The following ST6GALNAC3 variants were observed in gnomAD, a reference collection of about 807,000 sequenced individuals.
ST6GALNAC3 encodes the protein alpha-N-acetylgalactosaminide alpha-2,6-sialyltransferase 3.
Under a neutral mutation model 32.7 loss-of-function variants are expected in ST6GALNAC3, and 25 were observed. The observed-to-expected ratio is 0.76, with a 90% CI of 0.56 to 1.07. The LOEUF (loss-of-function observed/expected upper bound fraction) is 1.07, where lower values mean the gene tolerates loss of function less well. ST6GALNAC3 is among the 50% of genes least tolerant of loss of function. The pLI, the probability that ST6GALNAC3 is intolerant of heterozygous loss-of-function variation, is 0.00. For missense variants in ST6GALNAC3, 355 were observed against 382.4 expected (o/e 0.93, Z 0.60); for synonymous variants, 129 against 133.1 (o/e 0.97, Z 0.21).
chr1:76,155,550 C>G (rs1651348769), intron 1 of ST6GALNAC3, among the ~76,000 whole-genome samples: 1 of 152,070 alleles, frequency 6.6e-6, no homozygotes. Context: ...TCACTGCAAG[C>G]TCCGCCTCCC....
rs142453899 is a variant in ST6GALNAC3 at position 76,242,155 on chromosome 1, T to C, written c.19-71650T>C. Among the ~76,000 whole-genome samples the C allele has an allele frequency of 2.5e-4, 38 of 152,314 alleles. No homozygotes were observed. The East Asian group carries it at 7.0e-3, about 28-fold the overall frequency. On this transcript the variant is annotated intron_variant, in intron 1 of 4. Coordinates refer to ENST00000328299, the MANE Select transcript of ST6GALNAC3 (RefSeq NM_152996.4). ...AAAAGCAGCTTCCACAATCACAGGC[T>C]ATATGGCTTTGGATTTTTCTCATTT...
chr1:76,197,788 C>G (rs1235679613), intron 1 of ST6GALNAC3, among the ~76,000 whole-genome samples: 1 of 152,132 alleles, frequency 6.6e-6, no homozygotes, highest in Non-Finnish European at 1.5e-5. Flanking sequence ...GCACTATCAA[C>G]ATTTTGGGCT....
chr1:76,145,744 T>C lies in ST6GALNAC3; in HGVS notation c.18+70860T>C, dbSNP rs141204176. Among the ~76,000 whole-genome samples the C allele has an allele frequency of 3.9e-5, 6 of 152,310 alleles. No individual in the cohort carries two copies. The East Asian group carries it at 7.7e-4, about 20-fold the overall frequency. On this transcript the variant is annotated intron_variant, in intron 1 of 4. Coordinates refer to ENST00000328299, the MANE Select transcript of ST6GALNAC3 (RefSeq NM_152996.4). Reference sequence around the variant, plus strand: ...TATATGTGTTTAAAAATTAGATAAATAAGAATTTACATGACAGTTTAATAG... The same window carrying C: ...TATATGTGTTTAAAAATTAGATAAACAAGAATTTACATGACAGTTTAATAG...
intron 1 of ST6GALNAC3, among the ~76,000 whole-genome samples, chr1:76,121,113 A>G (rs1018409122): frequency 2.6e-5 from 4 of 152,216 alleles, no homozygotes; most frequent in African/African-American, 9.6e-5. Context: ...ATATTCCAGG[A>G]CAATCCCCCC....
At chr1:76,226,305 A>G (rs1656065680) in intron 1 of ST6GALNAC3, among the ~76,000 whole-genome samples, 1 of 152,204 alleles carries the variant, frequency 6.6e-6, no homozygotes, top group African/African-American at 2.4e-5. Flanking sequence ...TTTAGTGCCA[A>G]TCCAGGGAGG....
At chr1:76,455,029 T>C (rs936174072) in intron 3 of ST6GALNAC3, among the ~76,000 whole-genome samples, 7 of 152,138 alleles carry the variant, frequency 4.6e-5, no homozygotes, top group African/African-American at 1.7e-4. Flanking sequence ...CTCATTGTCC[T>C]TTTATTCCAC....
At chr1:76,529,756 T>C (rs1309773238) in intron 3 of ST6GALNAC3, among the ~76,000 whole-genome samples, 1 of 152,192 alleles carries the variant, frequency 6.6e-6, no homozygotes, top group Non-Finnish European at 1.5e-5. Context: ...GAGTATGAAC[T>C]GTAGCTCAGA....
rs554990566 is a variant in ST6GALNAC3 at position 76,629,913 on chromosome 1, C to G, written c.*1107C>G. The stretch of plus-strand genomic sequence containing the variant: ...GAGGAAATGATTCCTTATATTAAAC[C>G]TGACCAGAGCTTTTTGCCTTCTAGG... On this transcript the variant is annotated 3_prime_UTR_variant, in exon 5 of 5. Transcript: ENST00000328299. 1.0e-6 allele frequency: 1 copy of G among 985,098 alleles called. No individual in the cohort carries two copies. Among genetic ancestry groups the G allele is most frequent in the Admixed American group, 6.2e-5 (1 of 16,218 alleles). The allele number at this position is 985,098 out of a possible 1,614,324, so 61.0% of individuals were successfully genotyped here.
chr1:76,164,005 A>T (rs556418005), intron 1 of ST6GALNAC3, among the ~76,000 whole-genome samples: 1 of 152,294 alleles, frequency 6.6e-6, no homozygotes, highest in Middle Eastern at 3.4e-3. Context: ...AATGCTTAAG[A>T]TGTTGGATTT....
intron 3 of ST6GALNAC3, among the ~76,000 whole-genome samples, chr1:76,466,479 C>T (rs891555981): frequency 1.3e-5 from 2 of 152,006 alleles, no homozygotes; most frequent in African/African-American, 4.8e-5. Context: ...AATTAGAAAG[C>T]ATTTTTAAAG....
At chr1:76,333,581 C>G (rs1269497904) in intron 2 of ST6GALNAC3, among the ~76,000 whole-genome samples, 2 of 152,114 alleles carry the variant, frequency 1.3e-5, no homozygotes, top group South Asian at 4.1e-4. Flanking sequence ...TGATATTCAT[C>G]ATCAGTTAAA....
chr1:76,433,274 G>A (rs1655901360), intron 3 of ST6GALNAC3, among the ~76,000 whole-genome samples: 1 of 151,984 alleles, frequency 6.6e-6, no homozygotes, highest in Non-Finnish European at 1.5e-5. Flanking sequence ...TTTTCCGTAA[G>A]ATTTTTGTTT....
At chr1:76,562,457 G>T (rs1407864771) in intron 3 of ST6GALNAC3, among the ~76,000 whole-genome samples, 1 of 152,138 alleles carries the variant, frequency 6.6e-6, no homozygotes, top group Non-Finnish European at 1.5e-5. Flanking sequence ...GGATGATGTG[G>T]TGGTAACTAG....
intron 2 of ST6GALNAC3, among the ~76,000 whole-genome samples, chr1:76,375,050 A>G (rs1401554735): frequency 6.6e-6 from 1 of 152,126 alleles, no homozygotes; most frequent in Non-Finnish European, 1.5e-5. Flanking sequence ...AAAACTTGCA[A>G]ATTTCAAGAG....
intron 1 of ST6GALNAC3, among the ~76,000 whole-genome samples, chr1:76,213,691 A>G (rs751572621): frequency 1.3e-5 from 2 of 152,164 alleles, no homozygotes; most frequent in South Asian, 4.1e-4. Flanking sequence ...TGAACATGCA[A>G]TCTTTTAGGG....
At chr1:76,564,575 A>ATT (rs200008546) in intron 3 of ST6GALNAC3, among the ~76,000 whole-genome samples, 11 of 126,264 alleles carry the variant, frequency 8.7e-5, no homozygotes, top group East Asian at 2.3e-4. Flanking sequence ...TGAATGCAGC[A>ATT]TTTTTTTTTT....
intron 3 of ST6GALNAC3, among the ~76,000 whole-genome samples, chr1:76,614,536 A>G (rs967792560): frequency 1.3e-5 from 2 of 151,734 alleles, no homozygotes; most frequent in East Asian, 1.9e-4. Context: ...TGGCTAACAC[A>G]GTGAAACCCC....
chr1:76,194,372 A>G (rs901347112), intron 1 of ST6GALNAC3, among the ~76,000 whole-genome samples: 4 of 152,178 alleles, frequency 2.6e-5, no homozygotes, highest in African/African-American at 7.2e-5. Flanking sequence ...CATTCTTAAG[A>G]AAAGTATTAA....
At chr1:76,449,499 C>T (rs1230329836) in intron 3 of ST6GALNAC3, among the ~76,000 whole-genome samples, 1 of 152,180 alleles carries the variant, frequency 6.6e-6, no homozygotes, top group Non-Finnish European at 1.5e-5. Flanking sequence ...TGTCTTTCAA[C>T]ATAGCTGTAT....
Sources: allele counts gnomAD v4.1 joint callset (sites outside exome capture counted in the v4.1 genomes callset), GRCh38; gene constraint gnomAD v4.1.1; transcripts MANE v1.5; gene names NCBI Gene and HGNC (gene_info 2026-07-23, HGNC 2026-07-21).